Variants in SLC9D1 observed in about 807,000 individuals in gnomAD.
SLC9D1 encodes the protein putative LAG1-interacting protein.
the SLC9D1 span, chr13:113,528,086 A>G: frequency 1.3e-5 from 2 of 152,196 alleles, no homozygotes; most frequent in African/African-American, 4.8e-5. Flanking sequence ...GAAGCGTTTT[A>G]GTCATGGCTG....
At chr13:113,550,074 T>C in the SLC9D1 span, 2 of 171,244 alleles carry the variant, frequency 1.2e-5, no homozygotes, top group Non-Finnish European at 2.5e-5. Context: ...TTGCCTTTTA[T>C]TGTAACTTTT....
chr13:113,506,867 G>A, the SLC9D1 span, among the ~76,000 whole-genome samples: 1 of 152,340 alleles, frequency 6.6e-6, no homozygotes, highest in African/African-American at 2.4e-5. Flanking sequence ...GCTTCATCAG[G>A]CCTGCTGTCG....
the SLC9D1 span, among the ~76,000 whole-genome samples, chr13:113,516,651 C>T: frequency 5.9e-5 from 9 of 152,192 alleles, no homozygotes; most frequent in South Asian, 1.9e-3. Flanking sequence ...AAGGTGTTAG[C>T]TCTGGCCACA....
At chr13:113,534,445 C>T in the SLC9D1 span, 12 of 588,554 alleles carry the variant, frequency 2.0e-5, no homozygotes, top group South Asian at 2.7e-4. Context: ...TGGTTTGACT[C>T]ATACTCTTAA....
chr13:113,511,045 G>A, the SLC9D1 span, among the ~76,000 whole-genome samples: 1 of 141,976 alleles, frequency 7.0e-6, no homozygotes, highest in Non-Finnish European at 1.5e-5. Flanking sequence ...GAGGACAGTG[G>A]AAGCCGACTT....
chr13:113,541,719 C>T, the SLC9D1 span, among the ~76,000 whole-genome samples: 5 of 17,208 alleles, frequency 2.9e-4, no homozygotes, highest in Admixed American at 6.6e-4. Context: ...TTATTACCGC[C>T]GAGATGTGTG....
chr13:113,526,926 T>C, the SLC9D1 span, among the ~76,000 whole-genome samples: 843 of 152,360 alleles, frequency 5.5e-3, 6 homozygotes, highest in African/African-American at 0.019. Flanking sequence ...CAAATACTTA[T>C]CATTGTGTTA....
chr13:113,496,041 G>GGA, the SLC9D1 span: 337 of 1,505,772 alleles, frequency 2.2e-4, 1 homozygote, highest in African/African-American at 7.8e-4. Context: ...TCCTAGAGAG[G>GGA]GAGAGAGAGA....
the SLC9D1 span, among the ~76,000 whole-genome samples, chr13:113,525,551 A>G: frequency 2.0e-5 from 3 of 152,360 alleles, no homozygotes; most frequent in East Asian, 3.9e-4. Context: ...AGAACAAGCC[A>G]TCATCATCAT....
At chr13:113,545,307 C>CAGTT in the SLC9D1 span, among the ~76,000 whole-genome samples, 54,272 of 152,004 alleles carry the variant, frequency 0.36, 10,582 homozygotes, top group African/African-American at 0.51. Context: ...GCTGGGTCCA[C>CAGTT]AGTGAATGTG....
chr13:113,513,786 T>C, the SLC9D1 span, among the ~76,000 whole-genome samples: 2 of 152,118 alleles, frequency 1.3e-5, no homozygotes, highest in African/African-American at 4.8e-5. Context: ...ATAAAAAAAA[T>C]CTGGCAGGAG....
the SLC9D1 span, among the ~76,000 whole-genome samples, chr13:113,543,160 A>G: frequency 7.9e-5 from 1 of 12,676 alleles, no homozygotes; most frequent in East Asian, 3.1e-3. Context: ...CCCCCGCCCT[A>G]CCTCTGTCCG....
chr13:113,530,213 G>C, the SLC9D1 span: 6 of 152,202 alleles, frequency 3.9e-5, no homozygotes, highest in Non-Finnish European at 5.9e-5. Flanking sequence ...GGGAGGTTGG[G>C]GGAGATGGGG....
chr13:113,525,735 C>T, the SLC9D1 span, among the ~76,000 whole-genome samples: 5 of 151,880 alleles, frequency 3.3e-5, no homozygotes, highest in East Asian at 5.8e-4. Flanking sequence ...AGCTCTGTGC[C>T]GGTTATTCTA....
the SLC9D1 span, among the ~76,000 whole-genome samples, chr13:113,510,973 CGG>C: frequency 8.4e-6 from 1 of 118,734 alleles, no homozygotes; most frequent in Admixed American, 7.9e-5. Flanking sequence ...TGTCCCTCTG[CGG>C]GGAGGACAGT....
At chr13:113,549,301 T>G in the SLC9D1 span, 1 of 1,110,176 alleles carries the variant, frequency 9.0e-7, no homozygotes, top group South Asian at 1.5e-5. Context: ...GTGACTGTGC[T>G]CAGCCTCAGG....
chr13:113,541,463 G>A, the SLC9D1 span, among the ~76,000 whole-genome samples: 2 of 139,436 alleles, frequency 1.4e-5, no homozygotes, highest in East Asian at 4.4e-4. Flanking sequence ...GCACACGATC[G>A]CTGATCACTG....
At chr13:113,504,732 T>C in the SLC9D1 span, 1 of 152,212 alleles carries the variant, frequency 6.6e-6, no homozygotes, top group Non-Finnish European at 1.5e-5. Context: ...TTGATGGGCA[T>C]TTGGGCTGGT....
At chr13:113,526,321 A>G in the SLC9D1 span, among the ~76,000 whole-genome samples, 8 of 152,266 alleles carry the variant, frequency 5.3e-5, no homozygotes, top group Admixed American at 4.6e-4. Context: ...TTTAAGTGTC[A>G]TTACAAAAGA....
Sources: allele counts gnomAD v4.1 joint callset (sites outside exome capture counted in the v4.1 genomes callset), GRCh38; gene constraint gnomAD v4.1.1; transcripts MANE v1.5; gene names NCBI Gene and HGNC (gene_info 2026-07-23, HGNC 2026-07-21).